The following AQP7B variants were observed in gnomAD, a reference collection of about 807,000 sequenced individuals.
AQP7B encodes aquaporin 7B.
chr2:94,603,494 T>C, the AQP7B span: 1 of 1,609,322 alleles, frequency 6.2e-7, no homozygotes, highest in South Asian at 1.1e-5. Context: ...CGGGGCTTCC[T>C]GAATGAGGTC....
chr2:94,603,268 A>C, the AQP7B span: 1 of 1,392,364 alleles, frequency 7.2e-7, no homozygotes, highest in East Asian at 2.4e-5. Flanking sequence ...TGTAAAAAAT[A>C]GCTGGGAGAA....
the AQP7B span, among the ~76,000 whole-genome samples, chr2:94,601,170 C>T: frequency 6.4e-3 from 969 of 152,334 alleles, 12 homozygotes; most frequent in African/African-American, 0.023. Context: ...CCTGGCTCAC[C>T]ATGTACAGGC....
the AQP7B span, among the ~76,000 whole-genome samples, chr2:94,591,276 G>T: frequency 6.6e-6 from 1 of 152,104 alleles, no homozygotes; most frequent in Non-Finnish European, 1.5e-5. Flanking sequence ...TCCAGAAAGG[G>T]CCTCCTTGTC....
the AQP7B span, chr2:94,603,248 T>A: frequency 1.5e-6 from 2 of 1,375,796 alleles, no homozygotes; most frequent in Middle Eastern, 2.1e-4. Context: ...TGGACCTCAG[T>A]GTCCTGATTT....
the AQP7B span, among the ~76,000 whole-genome samples, chr2:94,596,326 A>G: frequency 2.9e-3 from 440 of 152,282 alleles, 2 homozygotes; most frequent in African/African-American, 9.9e-3. Context: ...TGCCCTTAAC[A>G]TGACTGTAGC....
At chr2:94,591,244 C>T in the AQP7B span, among the ~76,000 whole-genome samples, 1 of 152,096 alleles carries the variant, frequency 6.6e-6, no homozygotes, top group Non-Finnish European at 1.5e-5. Context: ...AAGTGTCTAG[C>T]GGGCTCCTCA....
chr2:94,595,632 G>A, the AQP7B span, among the ~76,000 whole-genome samples: 4 of 152,128 alleles, frequency 2.6e-5, no homozygotes, highest in East Asian at 3.9e-4. Context: ...TGGCAAGAGG[G>A]AACAAGTTAA....
At chr2:94,598,546 T>A in the AQP7B span, among the ~76,000 whole-genome samples, 1 of 152,164 alleles carries the variant, frequency 6.6e-6, no homozygotes, top group Admixed American at 6.5e-5. Flanking sequence ...CGGTGGGGAC[T>A]TTGGCTGGCT....
At chr2:94,603,400 T>G in the AQP7B span, 1 of 1,607,224 alleles carries the variant, frequency 6.2e-7, no homozygotes, top group South Asian at 1.1e-5. Context: ...TCTCCACTTT[T>G]CGGGTGGAGA....
At chr2:94,603,187 C>T in the AQP7B span, 4 of 1,479,770 alleles carry the variant, frequency 2.7e-6, no homozygotes, top group Non-Finnish European at 3.7e-6. Flanking sequence ...AAGTGTGCTG[C>T]CTGGGTGTCC....
chr2:94,602,977 T>C, the AQP7B span: 1 of 1,514,532 alleles, frequency 6.6e-7, no homozygotes, highest in Non-Finnish European at 8.9e-7. Flanking sequence ...GTTCTCATAC[T>C]GTTTGTCACT....
At chr2:94,603,871 CG>C in the AQP7B span, 1 of 1,391,206 alleles carries the variant, frequency 7.2e-7, no homozygotes, top group African/African-American at 1.4e-5. Context: ...CAATCCATCC[CG>C]GGACCCGCCC....
the AQP7B span, among the ~76,000 whole-genome samples, chr2:94,597,626 G>GT: frequency 0.01 from 1,242 of 121,774 alleles, 8 homozygotes; most frequent in Non-Finnish European, 0.011. Flanking sequence ...TTTTTTTTTT[G>GT]TTTTTTTTTT....
the AQP7B span, chr2:94,602,481 C>G: frequency 7.0e-5 from 112 of 1,601,818 alleles, 1 homozygote; most frequent in Admixed American, 1.6e-3. Context: ...CTTAGAGGCC[C>G]TCCCTTGTAG....
the AQP7B span, among the ~76,000 whole-genome samples, chr2:94,597,019 T>C: frequency 6.6e-6 from 1 of 152,168 alleles, no homozygotes; most frequent in Non-Finnish European, 1.5e-5. Flanking sequence ...AGCTTCCTTA[T>C]TGGTTAACAG....
the AQP7B span, among the ~76,000 whole-genome samples, chr2:94,601,652 G>A: frequency 6.6e-6 from 1 of 152,174 alleles, no homozygotes; most frequent in Non-Finnish European, 1.5e-5. Context: ...GACTGAAACA[G>A]GGAGGGGGCA....
the AQP7B span, chr2:94,604,588 T>A: frequency 6.4e-7 from 1 of 1,554,708 alleles, no homozygotes; most frequent in African/African-American, 1.4e-5. Flanking sequence ...AGATTATTTG[T>A]GATCCCATCC....
At chr2:94,599,363 C>G in the AQP7B span, among the ~76,000 whole-genome samples, 1 of 152,158 alleles carries the variant, frequency 6.6e-6, no homozygotes, top group Non-Finnish European at 1.5e-5. Flanking sequence ...CCCAGTGGGC[C>G]CTGCTCAGCT....
the AQP7B span, among the ~76,000 whole-genome samples, chr2:94,596,115 G>A: frequency 6.6e-6 from 1 of 152,266 alleles, no homozygotes; most frequent in Non-Finnish European, 1.5e-5. Context: ...GAAGCCGTCA[G>A]CGGCATGGGC....
Sources: gnomAD v4.1 joint callset for allele counts (sites outside exome capture counted in the v4.1 genomes callset) on GRCh38, gnomAD v4.1.1 for gene constraint, MANE v1.5 for transcripts, NCBI Gene and HGNC (gene_info 2026-07-23, HGNC 2026-07-21) for gene names.